HRK: variants seen among roughly 807,000 people sequenced by gnomAD.
The protein encoded by HRK is harakiri, BCL2 interacting protein.
In HRK, 6 loss-of-function variants were observed where a neutral mutation model predicts 5.9. The ratio of observed to expected loss-of-function variants is 1.02; its 90% CI spans 0.56 to 2.01. The LOEUF (loss-of-function observed/expected upper bound fraction) is 2.01, where lower values mean the gene tolerates loss of function less well. Among genes scored for constraint, HRK ranks in the 30% most tolerant of loss-of-function variants. The pLI is 0.00. For missense variants in HRK, 133 were observed against 128.3 expected (o/e 1.04, Z -0.18); for synonymous variants, 85 against 65.1 (o/e 1.31, Z -1.47).
chr12:116,866,048 G>A (rs111349185), intron 1 of HRK, among the ~76,000 whole-genome samples: 6,711 of 150,210 alleles, frequency 0.045, 360 homozygotes, highest in East Asian at 0.13. Context: ...ATCCCAGCTA[G>A]TCAGGAGGCT....
At chr12:116,866,860 T>C (rs1221503023) in intron 1 of HRK, among the ~76,000 whole-genome samples, 2 of 152,164 alleles carry the variant, frequency 1.3e-5, no homozygotes, top group African/African-American at 4.8e-5. Context: ...AAATACAGAC[T>C]CTTCTTAAGG....
rs1878385297 is a variant in HRK at position 116,862,052 on chromosome 12, G to C, written c.*57-586C>G. On this transcript the variant is annotated intron_variant, in intron 1 of 1. Coordinates refer to ENST00000257572, the MANE Select transcript of HRK (RefSeq NM_003806.4). This position sits in a 1 kb window ranked among gnomAD's most constrained non-coding sequence, Gnocchi z 4.0. ...GGATAATGACAGTCCCATGTAAAGAGCACATGCAGTCTGGGGAAACGTGGT... is the reference window on the plus strand; with the variant it reads ...GGATAATGACAGTCCCATGTAAAGACCACATGCAGTCTGGGGAAACGTGGT... Among the ~76,000 whole-genome samples the C allele has an allele frequency of 6.6e-6, 1 of 152,228 alleles. No homozygotes were observed. The highest frequency in any genetic ancestry group is 6.5e-5 in the Admixed American group (1 of 15,282).
rs1463841068 is a variant in HRK at position 116,861,187 on chromosome 12, G to A, written c.*336C>T. On this transcript the variant is annotated 3_prime_UTR_variant, in exon 2 of 2. Coordinates refer to ENST00000257572, the MANE Select transcript of HRK (RefSeq NM_003806.4). ...ACATCGCAAGGTGCAGAAAAGGAAG[G>A]CAACCACGTCCTCAACAAGGCATGC... The A allele has an allele frequency of 1.3e-5, 2 of 152,138 alleles. No individual in the cohort carries two copies. The highest frequency in any genetic ancestry group is 2.9e-5 in the Non-Finnish European group (2 of 68,046). The allele number at this position is 152,138 out of a possible 1,614,324, so 9.4% of individuals were successfully genotyped here. A position where few individuals can be genotyped will look rare whatever the true frequency, so the allele number is the denominator to read the frequency against.
chr12:116,871,603 CAAA>C (rs148974119), intron 1 of HRK, among the ~76,000 whole-genome samples: 122,203 of 137,338 alleles, frequency 0.89, 54,443 homozygotes, highest in Admixed American at 0.94. Flanking sequence ...CGTGCCCAGC[CAAA>C]AAAAAAAAAA....
chr12:116,861,973 A>G (rs1438289389), intron 1 of HRK, among the ~76,000 whole-genome samples: 4 of 152,240 alleles, frequency 2.6e-5, no homozygotes. Context: ...AGGTTCAATG[A>G]CGTAATTCTT....
intron 1 of HRK, among the ~76,000 whole-genome samples, chr12:116,877,830 T>C (rs1400706150): frequency 1.3e-5 from 2 of 152,226 alleles, no homozygotes; most frequent in Non-Finnish European, 2.9e-5. Flanking sequence ...GGATGACTTC[T>C]GAGAAAAGTA....
rs1878387291 is a variant in HRK at position 116,862,099 on chromosome 12, A to G, written c.*57-633T>C. Among the ~76,000 whole-genome samples the G allele has an allele frequency of 6.6e-6, 1 of 152,232 alleles. No homozygotes were observed. The highest frequency in any genetic ancestry group is 2.4e-5 in the African/African-American group (1 of 41,456). On this transcript the variant is annotated intron_variant, in intron 1 of 1. Transcript: ENST00000257572. The surrounding 1 kb of genome is among the most constrained non-coding windows in gnomAD (Gnocchi z 4.0). ...TGGTCTATAGGAGCCCAGGGGAGGC[A>G]GCTCATAAGGGAGACAAAGCAGACT...
rs1211215673 is a variant in HRK, at chr12:116,879,405, C to T, written c.*56+1571G>A. 1 of 152,208 alleles carries T rather than the reference C, an allele frequency of 6.6e-6. No individual in the cohort carries two copies. Among genetic ancestry groups the T allele is most frequent in the Non-Finnish European group, 1.5e-5 (1 of 68,090 alleles). The allele number at this position is 152,208 out of a possible 1,614,324, so 9.4% of individuals were successfully genotyped here. ...TCCTCTTCGCCCACTTTTTTTCTGC[C>T]TCTTCCCAAATTCCACGCTTTGGGC... On this transcript the variant is annotated intron_variant, in intron 1 of 1. Coordinates refer to ENST00000257572, the MANE Select transcript of HRK (RefSeq NM_003806.4). This position sits in a 1 kb window ranked among gnomAD's most constrained non-coding sequence, Gnocchi z 5.6.
intron 1 of HRK, among the ~76,000 whole-genome samples, chr12:116,865,324 C>T (rs1051881113): frequency 1.3e-5 from 2 of 151,986 alleles, no homozygotes; most frequent in East Asian, 1.9e-4. Flanking sequence ...GCCAGAAGTT[C>T]GAGACCAGCC....
At chr12:116,873,564 G>T (rs900667907) in intron 1 of HRK, among the ~76,000 whole-genome samples, 2 of 150,124 alleles carry the variant, frequency 1.3e-5, no homozygotes, top group Non-Finnish European at 3.0e-5. Context: ...GTAGAGATGG[G>T]GTCTCACTAT....
rs1275545671 is a variant in HRK at position 116,879,993 on chromosome 12, C to T, written c.*56+983G>A. 6.6e-6 allele frequency among the ~76,000 whole-genome samples: 1 copy of T among 152,136 alleles called. No individual in the cohort carries two copies. The highest frequency in any genetic ancestry group is 1.9e-4 in the East Asian group (1 of 5,180). On this transcript the variant is annotated intron_variant, in intron 1 of 1. Transcript: ENST00000257572. This position sits in a 1 kb window ranked among gnomAD's most constrained non-coding sequence, Gnocchi z 5.6. Reference sequence around the variant, plus strand: ...TACTCCAGGATCCAGAGTAGTAAGACGATGCTTACGCTGTGTGCTTCCTCA... The same window carrying T: ...TACTCCAGGATCCAGAGTAGTAAGATGATGCTTACGCTGTGTGCTTCCTCA...
chr12:116,870,525 G>A (rs1402587482), intron 1 of HRK, among the ~76,000 whole-genome samples: 1 of 152,166 alleles, frequency 6.6e-6, no homozygotes, highest in Non-Finnish European at 1.5e-5. Flanking sequence ...AAAGGCCAGT[G>A]ACATGGGCTG....
intron 1 of HRK, among the ~76,000 whole-genome samples, chr12:116,864,080 A>G (rs896578416): frequency 4.6e-5 from 7 of 152,204 alleles, no homozygotes; most frequent in African/African-American, 1.7e-4. Context: ...ATTTTCATAG[A>G]ATATGGAATT....
Position 116,857,163 on chromosome 12 carries a change from A to T in HRK, c.*4360T>A, listed in dbSNP as rs1878181160. The T allele has an allele frequency of 6.6e-6, 1 of 152,222 alleles. No homozygotes were observed. Among genetic ancestry groups the T allele is most frequent in the South Asian group, 2.1e-4 (1 of 4,828 alleles). 9.4% of individuals were successfully genotyped at this position (152,222 alleles called of 1,614,324 possible). On this transcript the variant is annotated 3_prime_UTR_variant, in exon 2 of 2. Transcript: ENST00000257572. ...AACATCGTGAACCAGACTGGAAAGG[A>T]ACATTTCACATCATCTGCTTCCGAG...
At chr12:116,874,187 G>A (rs1878856183) in intron 1 of HRK, among the ~76,000 whole-genome samples, 1 of 152,048 alleles carries the variant, frequency 6.6e-6, no homozygotes, top group Admixed American at 6.6e-5. Context: ...GCTGTGGCTG[G>A]GACTCATTCA....
At chr12:116,875,205 A>G (rs1427410587) in intron 1 of HRK, among the ~76,000 whole-genome samples, 2 of 152,222 alleles carry the variant, frequency 1.3e-5, no homozygotes, top group African/African-American at 4.8e-5. Flanking sequence ...ACCATTTTAT[A>G]TCAAGGACTT....
At chr12:116,880,032 A>G (rs568467695) in intron 1 of HRK, among the ~76,000 whole-genome samples, 19 of 152,284 alleles carry the variant, frequency 1.2e-4, no homozygotes, top group Non-Finnish European at 2.5e-4. Flanking sequence ...CGCCTAGCAC[A>G]GTGCCAGGCG....
Position 116,862,479 on chromosome 12 carries a change from T to A in HRK, c.*57-1013A>T, listed in dbSNP as rs1357987425. The stretch of plus-strand genomic sequence containing the variant: ...GCCAGACACAAAAGGACACATATTG[T>A]GTGATTCCATTTATATGAAATGTCC... On this transcript the variant is annotated intron_variant, in intron 1 of 1. Transcript: ENST00000257572. The surrounding 1 kb of genome is among the most constrained non-coding windows in gnomAD (Gnocchi z 4.0). Among the ~76,000 whole-genome samples the A allele has an allele frequency of 6.6e-6, 1 of 152,230 alleles. No individual in the cohort carries two copies. Among genetic ancestry groups the A allele is most frequent in the East Asian group, 1.9e-4 (1 of 5,194 alleles).
intron 1 of HRK, among the ~76,000 whole-genome samples, chr12:116,873,834 T>C (rs1409356038): frequency 6.6e-6 from 1 of 152,090 alleles, no homozygotes; most frequent in African/African-American, 2.4e-5. Context: ...AGGAAGGAGC[T>C]TTCTCCTTGC....
Sources: allele counts gnomAD v4.1 joint callset (sites outside exome capture counted in the v4.1 genomes callset), GRCh38; gene constraint gnomAD v4.1.1; non-coding constraint Gnocchi (gnomAD v3.1); transcripts MANE v1.5; gene names NCBI Gene and HGNC (gene_info 2026-07-23, HGNC 2026-07-21).